CC2D2A: variants seen among roughly 807,000 people sequenced by gnomAD.
CC2D2A encodes the protein coiled-coil and C2 domain-containing protein 2A.
Under a neutral mutation model 212.9 loss-of-function variants are expected in CC2D2A, and 155 were observed. The ratio of observed to expected loss-of-function variants is 0.73; its 90% CI spans 0.64 to 0.83. The LOEUF (loss-of-function observed/expected upper bound fraction) is 0.83. CC2D2A is among the 40% of genes least tolerant of loss of function. CC2D2A has a pLI of 0.00. For synonymous variants in CC2D2A, 667 were observed against 686.5 expected (o/e 0.97, Z 0.44); for missense variants, 1,856 against 1,956.2 (o/e 0.95, Z 0.97).
intron 4 of CC2D2A, among the ~76,000 whole-genome samples, chr4:15,486,755 A>G: frequency 6.6e-6 from 1 of 151,882 alleles, no homozygotes. Context: ...GTTATTTAAA[A>G]TCTTTCTACA....
chr4:15,482,528 T>TG (rs1197477603), intron 4 of CC2D2A, among the ~76,000 whole-genome samples: 2 of 152,034 alleles, frequency 1.3e-5, no homozygotes, highest in Non-Finnish European at 2.9e-5. Flanking sequence ...GTGCCTGCAC[T>TG]GGGGGAGGGA....
chr4:15,512,892 C>T (rs1716648604), intron 8 of CC2D2A, among the ~76,000 whole-genome samples: 1 of 150,534 alleles, frequency 6.6e-6, no homozygotes, highest in Middle Eastern at 3.2e-3. Context: ...GCAGACGTTG[C>T]AGTGAGCCGA....
At chr4:15,540,511 A>T (rs942170088) in intron 16 of CC2D2A, among the ~76,000 whole-genome samples, 1 of 152,234 alleles carries the variant, frequency 6.6e-6, no homozygotes, top group Non-Finnish European at 1.5e-5. Flanking sequence ...TCTTGAATTT[A>T]TTCCATTTAA....
At position 15,516,683 on chromosome 4, in the gene CC2D2A, C is replaced by T. The variant is rs1043314992; in HGVS notation, c.1076C>T (p.Pro359Leu). Residue 359 changes from proline to leucine, a missense_variant, in exon 11 of 37, where the codon CCA becomes CTA. Physicochemically the swap from Pro to Leu is moderately conservative, Grantham distance 98. Coordinates refer to ENST00000424120, the MANE Select transcript of CC2D2A (RefSeq NM_001378615.1). ...RILALPNPIK[P>L]FPSRPPVLTQ... ...CTAGCTCTGCCAAACCCCATCAAGC[C>T]ATTTCCTTCAAGGCCGCCAGTACTA... The T allele has an allele frequency of 1.2e-6, 2 of 1,613,448 alleles. No individual in the cohort carries two copies. Among genetic ancestry groups the T allele is most frequent in the Non-Finnish European group, 1.7e-6 (2 of 1,179,642 alleles).
chr4:15,476,609 G>A (rs1008092011), intron 2 of CC2D2A, among the ~76,000 whole-genome samples: 3 of 152,142 alleles, frequency 2.0e-5, no homozygotes, highest in African/African-American at 7.2e-5. Flanking sequence ...GTTTTGTCAC[G>A]GTTCTATGAA....
intron 17 of CC2D2A, among the ~76,000 whole-genome samples, chr4:15,545,620 T>G (rs1044416815): frequency 2.6e-5 from 4 of 152,098 alleles, no homozygotes. Flanking sequence ...GAGATAAGAA[T>G]GCCAAGGCAG....
intron 11 of CC2D2A, among the ~76,000 whole-genome samples, chr4:15,526,267 G>C (rs1290701877): frequency 2.2e-5 from 3 of 135,646 alleles, no homozygotes; most frequent in African/African-American, 7.5e-5. Context: ...ATGATACCTA[G>C]TGATCTACGA....
At chr4:15,594,323 G>A (rs1052914262) in intron 33 of CC2D2A, among the ~76,000 whole-genome samples, 65 of 152,022 alleles carry the variant, frequency 4.3e-4, no homozygotes, top group African/African-American at 1.3e-3. Context: ...ATTAACTACT[G>A]CCACAATAAA....
At chr4:15,522,556 G>A (rs1415524587) in intron 11 of CC2D2A, among the ~76,000 whole-genome samples, 1 of 151,382 alleles carries the variant, frequency 6.6e-6, no homozygotes, top group Non-Finnish European at 1.5e-5. Flanking sequence ...TTTTAAAAGT[G>A]AAATATTCTG....
intron 17 of CC2D2A, among the ~76,000 whole-genome samples, chr4:15,542,410 T>G (rs1410812334): frequency 1.3e-5 from 2 of 152,154 alleles, no homozygotes; most frequent in Non-Finnish European, 2.9e-5. Context: ...TCACAGATCC[T>G]CATCCATCAC....
chr4:15,470,730 T>G lies in CC2D2A; in HGVS notation c.-19+673T>G, dbSNP rs1349091004. Among the ~76,000 whole-genome samples the G allele has an allele frequency of 7.3e-5, 9 of 122,852 alleles. 1 individual carries two copies. The Admixed American group carries it at 8.4e-4, about 11-fold the overall frequency. 80.6% of individuals were successfully genotyped at this position (122,852 alleles called of 152,430 possible). On this transcript the variant is annotated intron_variant, in intron 1 of 36. Transcript: ENST00000424120. ...ATATATATATATATATATATATATA[T>G]ATATCCTAGAGCTCACTTATAGAGT...
chr4:15,507,462 G>A (rs1268199716), intron 6 of CC2D2A, among the ~76,000 whole-genome samples: 2 of 152,060 alleles, frequency 1.3e-5, no homozygotes, highest in African/African-American at 4.8e-5. Flanking sequence ...TCATTCCAGG[G>A]TATCCCTTCC....
chr4:15,517,439 T>C (rs1007461864), intron 11 of CC2D2A, among the ~76,000 whole-genome samples: 1 of 152,200 alleles, frequency 6.6e-6, no homozygotes, highest in African/African-American at 2.4e-5. Flanking sequence ...AGAGTTTCTA[T>C]CCTTGCAAAT....
chr4:15,560,480 A>G (rs1719524332), intron 22 of CC2D2A, 51 bp from the exon 23 acceptor site: 1 of 932,684 alleles, frequency 1.1e-6, no homozygotes, highest in Admixed American at 2.2e-5. Flanking sequence ...TGGAGAGTGA[A>G]CTACGAAGTT....
intron 13 of CC2D2A, 26 bp downstream of exon 13, chr4:15,528,752 T>A (rs759464837): frequency 6.5e-7 from 1 of 1,528,854 alleles, no homozygotes; most frequent in African/African-American, 1.4e-5. Context: ...TAAGTGTAAC[T>A]ACTTTTTTTC....
chr4:15,547,360 T>C (rs748166060), intron 17 of CC2D2A, among the ~76,000 whole-genome samples: 1 of 152,210 alleles, frequency 6.6e-6, no homozygotes, highest in Non-Finnish European at 1.5e-5. Context: ...CAGTAAGTTA[T>C]TGTTAACTAT....
intron 2 of CC2D2A, among the ~76,000 whole-genome samples, chr4:15,477,701 G>T (rs1176653085): frequency 6.6e-6 from 1 of 152,136 alleles, no homozygotes; most frequent in African/African-American, 2.4e-5. Flanking sequence ...TGAGGATGCA[G>T]CTCAGAGGAC....
intron 35 of CC2D2A, among the ~76,000 whole-genome samples, chr4:15,599,003 G>GA (rs935090456): frequency 8.6e-5 from 13 of 150,424 alleles, no homozygotes; most frequent in Non-Finnish European, 1.3e-4. Context: ...CTATAAAAAA[G>GA]AAAAAAAAAT....
At chr4:15,522,021 A>G (rs1160543654) in intron 11 of CC2D2A, among the ~76,000 whole-genome samples, 1 of 152,136 alleles carries the variant, frequency 6.6e-6, no homozygotes, top group Non-Finnish European at 1.5e-5. Context: ...CAACATAGTG[A>G]GACCCCCCTA....
Sources: gnomAD v4.1 joint callset for allele counts (sites outside exome capture counted in the v4.1 genomes callset) on GRCh38, gnomAD v4.1.1 for gene constraint, MANE v1.5 for transcripts, NCBI Gene and HGNC (gene_info 2026-07-23, HGNC 2026-07-21) for gene names.